The following SYNDIG1 variants were observed in gnomAD, a reference collection of about 807,000 sequenced individuals.
SYNDIG1 encodes synapse differentiation inducing 1, also known as synapse differentiation-inducing gene protein 1.
A neutral mutation model predicts 19.4 loss-of-function variants in SYNDIG1; 9 were observed. That is an observed-to-expected ratio of 0.46 (90% CI 0.28 to 0.81). SYNDIG1 has a LOEUF of 0.81. Among genes scored for constraint, SYNDIG1 ranks in the 30% least tolerant of loss-of-function variants. The pLI is 0.12. For missense variants in SYNDIG1, 311 were observed against 343.3 expected (o/e 0.91, Z 0.74); for synonymous variants, 141 against 145.9 (o/e 0.97, Z 0.24).
At chr20:24,554,180 G>T (rs1440063802) in intron 2 of SYNDIG1, among the ~76,000 whole-genome samples, 1 of 152,148 alleles carries the variant, frequency 6.6e-6, no homozygotes, top group African/African-American at 2.4e-5. Context: ...TGCTGAAGTT[G>T]CTTATCAGCT....
At chr20:24,590,992 G>A (rs1465485265) in intron 3 of SYNDIG1, among the ~76,000 whole-genome samples, 1 of 152,138 alleles carries the variant, frequency 6.6e-6, no homozygotes, top group African/African-American at 2.4e-5. Flanking sequence ...GGCGCGGAGG[G>A]ACTTGTGGGT....
chr20:24,509,089 T>G (rs984404427), intron 1 of SYNDIG1, among the ~76,000 whole-genome samples: 1 of 152,248 alleles, frequency 6.6e-6, no homozygotes, highest in Admixed American at 6.5e-5. Context: ...CCTTGGTCCC[T>G]GTAATTTTAG....
At chr20:24,643,943 T>C (rs2059401947) in intron 3 of SYNDIG1, among the ~76,000 whole-genome samples, 1 of 152,226 alleles carries the variant, frequency 6.6e-6, no homozygotes, top group Admixed American at 6.5e-5. Flanking sequence ...AACAGACACA[T>C]CATCAAAAAG....
At chr20:24,563,491 A>G (rs1462851667) in intron 2 of SYNDIG1, among the ~76,000 whole-genome samples, 1 of 152,106 alleles carries the variant, frequency 6.6e-6, no homozygotes, top group African/African-American at 2.4e-5. Context: ...ACCCATCACA[A>G]TTGCCTAAAT....
intron 1 of SYNDIG1, among the ~76,000 whole-genome samples, chr20:24,533,827 C>A (rs892634937): frequency 1.3e-5 from 2 of 152,096 alleles, no homozygotes; most frequent in African/African-American, 4.8e-5. Context: ...AGCCAGGGCA[C>A]GGAGTAGGGC....
intron 1 of SYNDIG1, among the ~76,000 whole-genome samples, chr20:24,479,941 C>T (rs1259249522): frequency 6.6e-6 from 1 of 152,240 alleles, no homozygotes. Context: ...CCTGCCCTGC[C>T]ATGCACAGGT....
intron 1 of SYNDIG1, among the ~76,000 whole-genome samples, chr20:24,532,648 C>T (rs556567930): frequency 6.6e-6 from 1 of 152,248 alleles, no homozygotes; most frequent in East Asian, 1.9e-4. Context: ...AATGAAAATA[C>T]TAATTAAAGT....
At chr20:24,659,220 C>T (rs1471682118) in intron 3 of SYNDIG1, among the ~76,000 whole-genome samples, 3 of 152,208 alleles carry the variant, frequency 2.0e-5, no homozygotes, top group Non-Finnish European at 1.5e-5. Flanking sequence ...TTTCTGGATT[C>T]GCCTGATTTC....
chr20:24,615,854 G>A (rs2058924720), intron 3 of SYNDIG1, among the ~76,000 whole-genome samples: 1 of 123,694 alleles, frequency 8.1e-6, no homozygotes, highest in Admixed American at 1.1e-4. Flanking sequence ...CCTCTCTGTA[G>A]AGGAAGGACC....
chr20:24,551,278 A>G (rs1214176215), intron 2 of SYNDIG1, among the ~76,000 whole-genome samples: 1 of 152,158 alleles, frequency 6.6e-6, no homozygotes, highest in African/African-American at 2.4e-5. Context: ...GTTGGCATGA[A>G]GTTGTTCATC....
At chr20:24,646,128 AG>A (rs1223859439) in intron 3 of SYNDIG1, among the ~76,000 whole-genome samples, 1 of 152,198 alleles carries the variant, frequency 6.6e-6, no homozygotes, top group Non-Finnish European at 1.5e-5. Context: ...TGCCCTTTCA[AG>A]TCCAGCATCT....
chr20:24,526,654 C>T (rs1222872999), intron 1 of SYNDIG1, among the ~76,000 whole-genome samples: 1 of 152,088 alleles, frequency 6.6e-6, no homozygotes, highest in Non-Finnish European at 1.5e-5. Flanking sequence ...AGTTTGTGTG[C>T]TCATAAGTCC....
At chr20:24,546,319 G>A (rs6049776) in intron 2 of SYNDIG1, among the ~76,000 whole-genome samples, 14,014 of 152,196 alleles carry the variant, frequency 0.092, 775 homozygotes, top group African/African-American at 0.13. Context: ...GTATTGGTTA[G>A]CATTTGCTGC....
chr20:24,558,073 G>A (rs1484076740), intron 2 of SYNDIG1, among the ~76,000 whole-genome samples: 1 of 152,168 alleles, frequency 6.6e-6, no homozygotes, highest in Admixed American at 6.5e-5. Context: ...GAACTCTGGA[G>A]GGACAAGGAA....
chr20:24,599,981 A>G (rs2058655308), intron 3 of SYNDIG1, among the ~76,000 whole-genome samples: 1 of 152,162 alleles, frequency 6.6e-6, no homozygotes, highest in African/African-American at 2.4e-5. Flanking sequence ...CACCTTAAAT[A>G]CCCTGACTTG....
At chr20:24,576,517 C>G (rs2058229948) in intron 2 of SYNDIG1, among the ~76,000 whole-genome samples, 2 of 152,178 alleles carry the variant, frequency 1.3e-5, no homozygotes, top group Non-Finnish European at 2.9e-5. Flanking sequence ...CATCACATAC[C>G]TGGAAGGGGC....
chr20:24,581,612 G>A (rs543319687), intron 2 of SYNDIG1, among the ~76,000 whole-genome samples: 3 of 152,180 alleles, frequency 2.0e-5, no homozygotes, highest in Non-Finnish European at 4.4e-5. Context: ...TTCAGTGAGG[G>A]ATGGAGAGTG....
At chr20:24,472,207 CA>C (rs991299780) in intron 1 of SYNDIG1, among the ~76,000 whole-genome samples, 3 of 152,078 alleles carry the variant, frequency 2.0e-5, no homozygotes, top group Non-Finnish European at 2.9e-5. Context: ...TTGAGGCGTA[CA>C]GGGGTGAGAT....
chr20:24,616,666 G>A (rs947233289), intron 3 of SYNDIG1, among the ~76,000 whole-genome samples: 5 of 152,248 alleles, frequency 3.3e-5, no homozygotes, highest in Admixed American at 2.0e-4. Flanking sequence ...AGCAGGTGCA[G>A]GGGGTGAGGC....
Sources: allele counts gnomAD v4.1 joint callset (sites outside exome capture counted in the v4.1 genomes callset), GRCh38; gene constraint gnomAD v4.1.1; transcripts MANE v1.5; gene names NCBI Gene and HGNC (gene_info 2026-07-23, HGNC 2026-07-21).